NDST4: variants seen among roughly 807,000 people sequenced by gnomAD.
NDST4 encodes the protein N-heparan sulfate sulfotransferase 4.
In NDST4, 63 loss-of-function variants were observed where a neutral mutation model predicts 100.8. The observed-to-expected ratio is 0.62, with a 90% CI of 0.51 to 0.77. NDST4 has a LOEUF of 0.77. NDST4 is among the 30% of genes least tolerant of loss of function. NDST4 has a pLI of 0.00. For synonymous variants in NDST4, 377 were observed against 361.8 expected (o/e 1.04, Z -0.48); for missense variants, 943 against 1,018.4 (o/e 0.93, Z 1.01).
intron 2 of NDST4, among the ~76,000 whole-genome samples, chr4:115,074,151 G>T (rs2620400): frequency 0.034 from 5,181 of 151,890 alleles, 314 homozygotes; most frequent in African/African-American, 0.12. Context: ...CTCCATGTGT[G>T]ACATTGCTCA....
At chr4:114,986,832 A>ATATATATATATATATTT in intron 2 of NDST4, among the ~76,000 whole-genome samples, 4 of 94,664 alleles carry the variant, frequency 4.2e-5, no homozygotes, top group Non-Finnish European at 8.7e-5. Context: ...ATATATATAT[A>ATATATATATATATATTT]TTTTAATATA....
At chr4:114,852,106 T>G (rs1303878910) in intron 8 of NDST4, among the ~76,000 whole-genome samples, 1 of 152,198 alleles carries the variant, frequency 6.6e-6, no homozygotes, top group African/African-American at 2.4e-5. Flanking sequence ...TGTCATCTCA[T>G]TGGTGAAATG....
At chr4:114,835,839 T>G (rs868764446) in intron 11 of NDST4, among the ~76,000 whole-genome samples, 28 of 152,232 alleles carry the variant, frequency 1.8e-4, no homozygotes, top group Non-Finnish European at 7.3e-5. Flanking sequence ...ATCTTCTTGT[T>G]GCGTTGATCC....
chr4:115,006,852 T>C (rs1481253020), intron 2 of NDST4, among the ~76,000 whole-genome samples: 2 of 152,042 alleles, frequency 1.3e-5, no homozygotes, highest in South Asian at 2.1e-4. Flanking sequence ...TTAATGGTTA[T>C]GGTGTGAATG....
chr4:114,985,282 T>G (rs1332155819), intron 2 of NDST4, among the ~76,000 whole-genome samples: 2 of 152,214 alleles, frequency 1.3e-5, no homozygotes, highest in African/African-American at 4.8e-5. Flanking sequence ...GTTGCCATTT[T>G]TCTTTTTTGG....
chr4:114,905,023 T>C (rs1724920198), intron 6 of NDST4, among the ~76,000 whole-genome samples: 1 of 151,830 alleles, frequency 6.6e-6, no homozygotes, highest in Non-Finnish European at 1.5e-5. Flanking sequence ...GGCTGAAAAA[T>C]GAAAGACAGA....
chr4:114,971,353 A>G (rs1445155591), intron 3 of NDST4, among the ~76,000 whole-genome samples: 2 of 152,032 alleles, frequency 1.3e-5, no homozygotes, highest in Non-Finnish European at 2.9e-5. Flanking sequence ...ACAGCACCCA[A>G]TACATAGGAA....
At chr4:115,098,369 T>C (rs510657) in intron 1 of NDST4, among the ~76,000 whole-genome samples, 117,425 of 152,116 alleles carry the variant, frequency 0.77, 45,992 homozygotes, top group African/African-American at 0.89. Flanking sequence ...TAGAAAGTTA[T>C]CTTTTGAGGA....
At chr4:114,990,475 C>T (rs1727013087) in intron 2 of NDST4, among the ~76,000 whole-genome samples, 1 of 152,038 alleles carries the variant, frequency 6.6e-6, no homozygotes, top group Non-Finnish European at 1.5e-5. Context: ...ATTTTATAAA[C>T]TACAAGGATG....
chr4:114,949,925 G>A (rs1725952069), intron 4 of NDST4, among the ~76,000 whole-genome samples: 1 of 152,004 alleles, frequency 6.6e-6, no homozygotes, highest in African/African-American at 2.4e-5. Context: ...GTAAAAATAA[G>A]GATGTAAATT....
chr4:114,968,280 A>G (rs962688951), intron 4 of NDST4, among the ~76,000 whole-genome samples: 6 of 152,190 alleles, frequency 3.9e-5, no homozygotes, highest in Admixed American at 3.9e-4. Flanking sequence ...AGTAAATCAC[A>G]CAGTACTAAT....
intron 1 of NDST4, among the ~76,000 whole-genome samples, chr4:115,089,386 TC>T (rs35164085): frequency 0.72 from 109,129 of 151,160 alleles, 40,268 homozygotes; most frequent in African/African-American, 0.87. Context: ...AAATGTAGGA[TC>T]TTTTAAATGG....
intron 2 of NDST4, among the ~76,000 whole-genome samples, chr4:115,033,573 C>T (rs904597145): frequency 1.3e-5 from 2 of 151,608 alleles, no homozygotes; most frequent in African/African-American, 4.8e-5. Flanking sequence ...GGAGTAAGAG[C>T]TCTCATTTGA....
intron 2 of NDST4, among the ~76,000 whole-genome samples, chr4:114,998,441 C>A (rs770032698): frequency 3.9e-5 from 6 of 152,098 alleles, no homozygotes; most frequent in Non-Finnish European, 7.4e-5. Flanking sequence ...TCACACTGTG[C>A]AACCCCATTA....
chr4:115,010,709 T>TTC, intron 2 of NDST4, among the ~76,000 whole-genome samples: 1 of 67,092 alleles, frequency 1.5e-5, no homozygotes. Flanking sequence ...AATACATATA[T>TTC]GGCTCTTTGT....
chr4:114,852,554 G>A (rs1046874308), intron 8 of NDST4, among the ~76,000 whole-genome samples, 171 bp downstream of exon 8: 4 of 152,098 alleles, frequency 2.6e-5, no homozygotes, highest in Non-Finnish European at 4.4e-5. Flanking sequence ...ATCCTCTTGA[G>A]GTTCATGGTA....
At chr4:115,032,171 G>T (rs1165734679) in intron 2 of NDST4, among the ~76,000 whole-genome samples, 1 of 152,062 alleles carries the variant, frequency 6.6e-6, no homozygotes, top group Non-Finnish European at 1.5e-5. Context: ...AGAACCACAA[G>T]GTGCTGATGT....
chr4:114,887,067 A>G (rs1313780387), intron 6 of NDST4, among the ~76,000 whole-genome samples: 2 of 152,202 alleles, frequency 1.3e-5, no homozygotes, highest in African/African-American at 4.8e-5. Context: ...TGGCTTTCAC[A>G]TTGTGAAAAC....
chr4:114,851,202 T>C (rs1393894020), intron 8 of NDST4, among the ~76,000 whole-genome samples: 1 of 152,152 alleles, frequency 6.6e-6, no homozygotes, highest in Non-Finnish European at 1.5e-5. Flanking sequence ...CCCCCTGCAG[T>C]GAATTTATAG....
Sources: gnomAD v4.1 joint callset for allele counts (sites outside exome capture counted in the v4.1 genomes callset) on GRCh38, gnomAD v4.1.1 for gene constraint, MANE v1.5 for transcripts, NCBI Gene and HGNC (gene_info 2026-07-23, HGNC 2026-07-21) for gene names.